Variants in PDE4D observed in about 807,000 individuals in gnomAD.
The protein encoded by PDE4D is phosphodiesterase 4D.
PDE4D carries 24 observed loss-of-function variants against 87.4 expected under a neutral mutation model. That is an observed-to-expected ratio of 0.27 (90% CI 0.20 to 0.39). The LOEUF (loss-of-function observed/expected upper bound fraction) is 0.39, where lower values mean the gene tolerates loss of function less well. PDE4D is among the 10% of genes least tolerant of loss of function. The pLI is 1.00. For missense variants in PDE4D, 714 were observed against 1,041.0 expected, an observed-to-expected ratio of 0.69 and a Z score of 4.32; for synonymous variants, 384 against 383.2, an observed-to-expected ratio of 1.00 and a Z score of -0.02.
intron 1 of PDE4D, among the ~76,000 whole-genome samples, chr5:59,224,810 T>C (rs938279667): frequency 1.3e-5 from 2 of 151,916 alleles, no homozygotes; most frequent in African/African-American, 4.8e-5. Context: ...GAGGACAGAG[T>C]GAGAAAGCAG....
intron 1 of PDE4D, among the ~76,000 whole-genome samples, chr5:59,236,382 T>C (rs1267506204): frequency 1.3e-5 from 2 of 152,218 alleles, no homozygotes; most frequent in Non-Finnish European, 2.9e-5. Flanking sequence ...CCTTTTCAAT[T>C]ACTGCTACAT....
intron 1 of PDE4D, among the ~76,000 whole-genome samples, chr5:60,273,904 C>T (rs10471477): frequency 7.9e-5 from 12 of 151,978 alleles, no homozygotes; most frequent in East Asian, 3.9e-4. Flanking sequence ...GGCCTGGCCA[C>T]GGAGTGATCA....
At chr5:59,027,851 T>A (rs1235882628) in intron 6 of PDE4D, among the ~76,000 whole-genome samples, 1 of 151,910 alleles carries the variant, frequency 6.6e-6, no homozygotes. Context: ...AAAATGAGGG[T>A]GCTAAGTGTG....
At chr5:59,449,574 T>C (rs757173373) in intron 1 of PDE4D, among the ~76,000 whole-genome samples, 15 of 152,230 alleles carry the variant, frequency 9.9e-5, no homozygotes, top group Non-Finnish European at 2.1e-4. Flanking sequence ...ATATCTTTAC[T>C]CATAGCATTC....
At chr5:59,245,663 T>C (rs905356694) in intron 1 of PDE4D, among the ~76,000 whole-genome samples, 3 of 152,180 alleles carry the variant, frequency 2.0e-5, no homozygotes, top group Admixed American at 6.6e-5. Flanking sequence ...TATGTCTATC[T>C]GTACTGTAAC....
In PDE4D at chr5:60,183,822, A is replaced by T. The variant is rs180973194; in HGVS notation, c.42+1735T>A. 9.1e-4 allele frequency among the ~76,000 whole-genome samples: 139 copies of T among 152,364 alleles called. No homozygotes were observed. The Middle Eastern group carries it at 0.01, about 11-fold the overall frequency. ...CGTTGGAGGGTTATATGCTCAGACC[A>T]GAGCAAAATAAAATTTTATAGCCCT... On this transcript the variant is annotated intron_variant, in intron 2 of 16. Transcript: ENST00000502484.
intron 1 of PDE4D, among the ~76,000 whole-genome samples, chr5:59,703,147 A>G (rs1328788757): frequency 6.6e-6 from 1 of 152,136 alleles, no homozygotes; most frequent in African/African-American, 2.4e-5. Context: ...AGAGTAATAA[A>G]GTTATTTTGG....
chr5:59,581,342 T>C (rs980677134), intron 1 of PDE4D, among the ~76,000 whole-genome samples: 2 of 152,202 alleles, frequency 1.3e-5, no homozygotes, highest in African/African-American at 4.8e-5. Context: ...TTGCCTATTT[T>C]TCTCTGAACC....
At chr5:59,375,666 G>T (rs926279060) in intron 1 of PDE4D, among the ~76,000 whole-genome samples, 2 of 152,130 alleles carry the variant, frequency 1.3e-5, no homozygotes, top group African/African-American at 4.8e-5. Context: ...GAGAAGGATG[G>T]ACTCCTCCCT....
intron 1 of PDE4D, among the ~76,000 whole-genome samples, chr5:59,471,817 T>C (rs1387129949): frequency 2.0e-5 from 3 of 152,310 alleles, no homozygotes; most frequent in African/African-American, 7.2e-5. Flanking sequence ...TTTAAGGTTG[T>C]AGTATAATAT....
chr5:59,286,143 G>T (rs183327561), intron 1 of PDE4D, among the ~76,000 whole-genome samples: 23 of 152,302 alleles, frequency 1.5e-4, no homozygotes, highest in Middle Eastern at 3.4e-3. Flanking sequence ...AAGTTCAGTG[G>T]ATGAACCAGG....
At chr5:60,386,216 A>AG (rs1328913294) in intron 1 of PDE4D, among the ~76,000 whole-genome samples, 1 of 152,192 alleles carries the variant, frequency 6.6e-6, no homozygotes, top group Non-Finnish European at 1.5e-5. Context: ...TTAAAAAAAA[A>AG]TGACTAATTA....
intron 3 of PDE4D, chr5:59,988,390 A>C: frequency 1.5e-6 from 1 of 663,338 alleles, no homozygotes; most frequent in Non-Finnish European, 2.5e-6. Flanking sequence ...TTGTTCTCCC[A>C]CTCAAATCAA....
At chr5:60,512,260 T>C (rs1168325375) in intron 1 of PDE4D, among the ~76,000 whole-genome samples, 1 of 152,242 alleles carries the variant, frequency 6.6e-6, no homozygotes, top group Non-Finnish European at 1.5e-5. Context: ...AACATACTTT[T>C]ACATACTTCT....
chr5:60,424,833 A>T (rs1223058955), intron 1 of PDE4D, among the ~76,000 whole-genome samples: 3 of 152,242 alleles, frequency 2.0e-5, no homozygotes, highest in African/African-American at 7.2e-5. Context: ...ACTTCAGCGA[A>T]GTCTCAGGAT....
chr5:60,435,799 CT>C (rs879268354), intron 1 of PDE4D, among the ~76,000 whole-genome samples: 14 of 151,982 alleles, frequency 9.2e-5, no homozygotes, highest in Admixed American at 9.2e-4. Flanking sequence ...GGAAATACCT[CT>C]TTCTATTTGC....
intron 1 of PDE4D, among the ~76,000 whole-genome samples, chr5:59,389,764 A>G (rs757020699): frequency 7.2e-5 from 11 of 152,260 alleles, no homozygotes; most frequent in Non-Finnish European, 1.2e-4. Flanking sequence ...AAAGACAGAT[A>G]TGGCATGTTG....
In PDE4D at chr5:59,306,235, C is replaced by T. The variant is rs142471199; in HGVS notation, c.456-90267G>A. On this transcript the variant is annotated intron_variant, in intron 1 of 14. Coordinates refer to ENST00000340635, the MANE Select transcript of PDE4D (RefSeq NM_001104631.2). ...TCTGCTGGCTTTTGGTGTCCATTTG[C>T]ATGGAAAGTCTTTTCCACCCCTTTA... Among the ~76,000 whole-genome samples the T allele has an allele frequency of 6.2e-4, 94 of 152,268 alleles. 1 individual carries two copies. The highest frequency in any genetic ancestry group is 1.7e-3 in the African/African-American group (71 of 41,564).
intron 2 of PDE4D, among the ~76,000 whole-genome samples, chr5:60,100,681 G>T (rs887602226): frequency 2.6e-5 from 4 of 152,164 alleles, no homozygotes; most frequent in Non-Finnish European, 4.4e-5. Context: ...CATTGTTTTA[G>T]GTATGCAACT....
Sources: allele counts gnomAD v4.1 joint callset (sites outside exome capture counted in the v4.1 genomes callset), GRCh38; gene constraint gnomAD v4.1.1; transcripts MANE v1.5; gene names NCBI Gene and HGNC (gene_info 2026-07-23, HGNC 2026-07-21).